Variants in PPP4R1 observed in about 807,000 individuals in gnomAD.
PPP4R1 encodes protein phosphatase 4 regulatory subunit 1.
Under a neutral mutation model 111.2 loss-of-function variants are expected in PPP4R1, and 42 were observed. The ratio of observed to expected loss-of-function variants is 0.38; its 90% CI spans 0.29 to 0.49. The LOEUF (loss-of-function observed/expected upper bound fraction) is 0.49, where lower values mean the gene tolerates loss of function less well. Ranked by LOEUF, PPP4R1 falls within the 20% of genes least tolerant of loss-of-function variation. The pLI, the probability that PPP4R1 is intolerant of heterozygous loss-of-function variation, is 0.97. For synonymous variants in PPP4R1, 409 were observed against 405.5 expected (o/e 1.01, Z -0.10); for missense variants, 1,012 against 1,161.6 (o/e 0.87, Z 1.87).
At chr18:9,610,340 G>C (rs1190670059) in intron 2 of PPP4R1, among the ~76,000 whole-genome samples, 1 of 152,148 alleles carries the variant, frequency 6.6e-6, no homozygotes, top group Non-Finnish European at 1.5e-5. Flanking sequence ...AATCTGCTGA[G>C]ATAACCTATG....
At position 9,583,411 on chromosome 18, in the gene PPP4R1, G is replaced by A. The variant is rs2067063877; in HGVS notation, c.760-136C>T. On this transcript the variant is annotated intron_variant, in intron 8 of 19. Transcript: ENST00000400556. The stretch of plus-strand genomic sequence containing the variant: ...AGACAGAGTCTCACTCTTTTGCCCA[G>A]GCTGGAGTGAGGTGGTGCGATCTTG... The A allele has an allele frequency of 7.5e-6, 7 of 929,308 alleles. No homozygotes were observed. The South Asian group carries it at 2.1e-4, about 28-fold the overall frequency. 57.6% of individuals were successfully genotyped at this position (929,308 alleles called of 1,614,324 possible). A position where few individuals can be genotyped will look rare whatever the true frequency, so the allele number is the denominator to read the frequency against.
At chr18:9,573,119 T>C (rs1037378546) in intron 10 of PPP4R1, among the ~76,000 whole-genome samples, 2 of 152,226 alleles carry the variant, frequency 1.3e-5, no homozygotes, top group Non-Finnish European at 2.9e-5. Context: ...GTCTTCTACA[T>C]GTTTATGAAT....
chr18:9,588,570 A>T (rs1598938049), intron 5 of PPP4R1, 141 bp downstream of exon 5: 1 of 956,064 alleles, frequency 1.0e-6, no homozygotes, highest in Non-Finnish European at 1.5e-6. Context: ...GATTTGTCAG[A>T]CTCTAAACAC....
chr18:9,584,891 A>G, intron 6 of PPP4R1, 63 bp from the exon 7 acceptor site: 2 of 1,271,738 alleles, frequency 1.6e-6, no homozygotes, highest in Non-Finnish European at 2.2e-6. Flanking sequence ...AGTTAAATTA[A>G]ATAATAAAAG....
At chr18:9,560,131 T>C (rs2066649701) in intron 13 of PPP4R1, among the ~76,000 whole-genome samples, 1 of 151,680 alleles carries the variant, frequency 6.6e-6, no homozygotes. Context: ...AATTAAAAAA[T>C]CAGCCAGGTA....
Position 9,595,122 on chromosome 18 carries a change from A to G in PPP4R1, c.84T>C (p.Asp28=), listed in dbSNP as rs2067270997. 2 of 1,613,784 alleles carry G rather than the reference A, an allele frequency of 1.2e-6. No individual in the cohort carries two copies. The highest frequency in any genetic ancestry group is 1.1e-5 in the South Asian group (1 of 91,078). Residue 28 remains aspartate, a synonymous_variant, in exon 3 of 20, where the codon GAT becomes GAC. Transcript: ENST00000400556. The stretch of plus-strand genomic sequence containing the variant: ...CCAGGGCTGAAGGTATAATAATCAC[A>G]TCAGACTCTGAGCTGTAGTCATCCA... ...FGVDDYSSES[D]VIIIPSALDF...
intron 2 of PPP4R1, among the ~76,000 whole-genome samples, chr18:9,605,547 A>G (rs886454052): frequency 1.5e-5 from 2 of 134,940 alleles, no homozygotes; most frequent in Non-Finnish European, 3.1e-5. Flanking sequence ...CTACACTATC[A>G]CTTATGTAGC....
At chr18:9,554,181 G>A (rs1363535389) in intron 15 of PPP4R1, among the ~76,000 whole-genome samples, 5 of 149,822 alleles carry the variant, frequency 3.3e-5, no homozygotes, top group Non-Finnish European at 7.4e-5. Context: ...AGGCTGGAGT[G>A]CAGTGGCGGG....
chr18:9,549,708 G>A, intron 18 of PPP4R1: 3 of 471,670 alleles, frequency 6.4e-6, no homozygotes, highest in South Asian at 2.5e-5. Context: ...GAGGAACAGT[G>A]AGGAACATGC....
Position 9,588,162 on chromosome 18 carries a change from G to A in PPP4R1, c.512C>T (p.Thr171Ile). Residue 171 changes from threonine (T) to isoleucine (I), a missense_variant, in exon 6 of 20, where the codon ACC (threonine) becomes ATC (isoleucine). Coordinates refer to ENST00000400556, the MANE Select transcript of PPP4R1 (RefSeq NM_001042388.3). ...CTCTATGAGGACAGGGCACACTTTG[G>A]TCTCCACATCAAATCGTTCAATGAG... is the stretch of plus-strand genomic sequence containing the variant. Reference protein sequence around the residue: ...QELIERFDVETKVCPVLIELT... With the variant: ...QELIERFDVEIKVCPVLIELT... The A allele has an allele frequency of 6.2e-7, 1 of 1,614,148 alleles. No individual in the cohort carries two copies. Among genetic ancestry groups the A allele is most frequent in the South Asian group, 1.1e-5 (1 of 91,084 alleles).
chr18:9,562,416 T>G (rs1201056267), intron 12 of PPP4R1, among the ~76,000 whole-genome samples: 1 of 152,170 alleles, frequency 6.6e-6, no homozygotes, highest in Non-Finnish European at 1.5e-5. Context: ...GACCATGGAG[T>G]GTCATATGCA....
chr18:9,562,136 T>C, intron 12 of PPP4R1, 61 bp from the exon 13 acceptor site: 2 of 1,275,956 alleles, frequency 1.6e-6, no homozygotes, highest in South Asian at 2.4e-5. Context: ...ATTTAAGCTA[T>C]CTTACTAAGT....
intron 15 of PPP4R1, among the ~76,000 whole-genome samples, chr18:9,555,572 C>T (rs913164107): frequency 3.3e-5 from 5 of 152,070 alleles, no homozygotes; most frequent in African/African-American, 4.8e-5. Flanking sequence ...GAGCCAACAC[C>T]ACATTAGCCC....
Position 9,614,279 on chromosome 18 carries a change from AG to A in PPP4R1, c.8-10del. ...CTGAAGCAGCGAGAGGTCTGCGCCG[AG>A]GGGAGAGAAGAAAGGCCCGGTCAGC... On this transcript the variant is annotated splice_polypyrimidine_tract_variant and intron_variant, in intron 1 of 19. Coordinates refer to ENST00000400556, the MANE Select transcript of PPP4R1 (RefSeq NM_001042388.3). This position sits in a 1 kb window ranked among gnomAD's most constrained non-coding sequence, Gnocchi z 4.1. The A allele has an allele frequency of 1.6e-6, 2 of 1,278,560 alleles. No homozygotes were observed. The highest frequency in any genetic ancestry group is 2.1e-5 in the South Asian group (1 of 48,214). 79.2% of individuals were successfully genotyped at this position (1,278,560 alleles called of 1,614,324 possible). A position where few individuals can be genotyped will look rare whatever the true frequency, so the allele number is the denominator to read the frequency against.
chr18:9,607,424 T>G (rs1034502449), intron 2 of PPP4R1, among the ~76,000 whole-genome samples: 1 of 150,996 alleles, frequency 6.6e-6, no homozygotes, highest in East Asian at 1.9e-4. Flanking sequence ...AGTAGAGACA[T>G]GATGGTCCAT....
intron 2 of PPP4R1, among the ~76,000 whole-genome samples, chr18:9,596,036 T>C (rs2145264751): frequency 6.6e-6 from 1 of 152,262 alleles, no homozygotes; most frequent in African/African-American, 2.4e-5. Flanking sequence ...TATAATAAAG[T>C]GAAGACAATG....
chr18:9,592,115 C>A (rs2067221270), intron 4 of PPP4R1, among the ~76,000 whole-genome samples: 1 of 152,160 alleles, frequency 6.6e-6, no homozygotes, highest in Admixed American at 6.5e-5. Flanking sequence ...CCAATCAAGT[C>A]TTCTTGTCAC....
chr18:9,568,613 A>AAT (rs942585356), intron 11 of PPP4R1, among the ~76,000 whole-genome samples: 2 of 152,246 alleles, frequency 1.3e-5, no homozygotes, highest in African/African-American at 2.4e-5. Flanking sequence ...CAGTTCTTTC[A>AAT]ATATTTCAAT....
At chr18:9,582,693 T>C (rs2067049592) in intron 9 of PPP4R1, among the ~76,000 whole-genome samples, 1 of 152,224 alleles carries the variant, frequency 6.6e-6, no homozygotes, top group South Asian at 2.1e-4. Flanking sequence ...ATTATTACTC[T>C]GACAACAAAC....
Sources: allele counts gnomAD v4.1 joint callset (sites outside exome capture counted in the v4.1 genomes callset), GRCh38; gene constraint gnomAD v4.1.1; non-coding constraint Gnocchi (gnomAD v3.1); transcripts MANE v1.5; gene names NCBI Gene and HGNC (gene_info 2026-07-23, HGNC 2026-07-21).